Variants in TPTE2 observed in about 807,000 individuals in gnomAD.
TPTE2 encodes phosphatidylinositol 3,4,5-trisphosphate 3-phosphatase TPTE2.
In TPTE2, 53 loss-of-function variants were observed where a neutral mutation model predicts 78.6. The ratio of observed to expected loss-of-function variants is 0.67; its 90% CI spans 0.54 to 0.85. The LOEUF (loss-of-function observed/expected upper bound fraction) is 0.85, where lower values mean the gene tolerates loss of function less well. Among genes scored for constraint, TPTE2 ranks in the 40% least tolerant of loss-of-function variants. The pLI is 0.00. For synonymous variants in TPTE2, 175 were observed against 206.2 expected (o/e 0.85, Z 1.30); for missense variants, 461 against 623.0 (o/e 0.74, Z 2.77).
At chr13:19,547,720 C>CACATATATATATATATATAT in the TPTE2 span, among the ~76,000 whole-genome samples, 1 of 118,848 alleles carries the variant, frequency 8.4e-6, no homozygotes. Flanking sequence ...AATAAATATA[C>CACATATATATATATATATAT]ATATATATAT....
chr13:19,541,649 A>G (rs1871439375), upstream of TPTE2, among the ~76,000 whole-genome samples: 1 of 152,232 alleles, frequency 6.6e-6, no homozygotes, highest in Non-Finnish European at 1.5e-5. Flanking sequence ...TTATTTTTTA[A>G]AAAATTATAA....
At chr13:19,474,373 A>G (rs2137590596) in intron 5 of TPTE2, among the ~76,000 whole-genome samples, 1 of 152,356 alleles carries the variant, frequency 6.6e-6, no homozygotes, top group South Asian at 2.1e-4. Flanking sequence ...AAGAGAGAAA[A>G]GCAAAACTGA....
intron 18 of TPTE2, chr13:19,425,703 T>C (rs762884954): frequency 1.9e-6 from 1 of 514,644 alleles, no homozygotes; most frequent in Non-Finnish European, 3.9e-6. Flanking sequence ...AGGTAGCACC[T>C]TACATCCCAA....
chr13:19,489,723 T>C (rs1880883672), intron 3 of TPTE2, among the ~76,000 whole-genome samples: 1 of 142,940 alleles, frequency 7.0e-6, no homozygotes, highest in Non-Finnish European at 1.5e-5. Flanking sequence ...GATATATCTG[T>C]ATATATATAT....
intron 3 of TPTE2, among the ~76,000 whole-genome samples, chr13:19,488,923 AGCTTT>A: frequency 6.6e-6 from 1 of 152,128 alleles, no homozygotes; most frequent in Non-Finnish European, 1.5e-5. Flanking sequence ...AATCATTTCT[AGCTTT>A]TGGTTTAAAG....
At chr13:19,490,138 T>G (rs2137633148) in intron 3 of TPTE2, among the ~76,000 whole-genome samples, 1 of 152,292 alleles carries the variant, frequency 6.6e-6, no homozygotes, top group East Asian at 1.9e-4. Flanking sequence ...ACAACTTAAG[T>G]GCAGTTCTTT....
intron 9 of TPTE2, among the ~76,000 whole-genome samples, chr13:19,464,894 A>G (rs976272313): frequency 1.3e-5 from 2 of 151,976 alleles, no homozygotes; most frequent in African/African-American, 4.8e-5. Flanking sequence ...CCTCTGACTC[A>G]GAAAACCTGA....
At chr13:19,437,058 C>CACAA (rs1401128101) in intron 14 of TPTE2, among the ~76,000 whole-genome samples, 7 of 151,672 alleles carry the variant, frequency 4.6e-5, no homozygotes, top group African/African-American at 1.5e-4. Flanking sequence ...CACACACACA[C>CACAA]ACACACATAC....
rs116966167 is a variant in TPTE2 at position 19,525,254 on chromosome 13, A to G, written c.-44+11342T>C. Among the ~76,000 whole-genome samples, 215 of 152,350 alleles carry G rather than the reference A, an allele frequency of 1.4e-3. 5 individuals are homozygous for G. In the East Asian group the frequency reaches 0.04, roughly 28 times the overall value. Reference sequence around the variant, plus strand: ...AGGATAGCCAAAGCAATCCTGCACAAAAAGAATGAAGCTGGAGATGCCACA... The same window carrying G: ...AGGATAGCCAAAGCAATCCTGCACAGAAAGAATGAAGCTGGAGATGCCACA... On this transcript the variant is annotated intron_variant, in intron 1 of 17. Coordinates refer to the TPTE2 transcript ENST00000390680.
chr13:19,448,624 A>T (rs1877984235), intron 13 of TPTE2, among the ~76,000 whole-genome samples: 1 of 152,186 alleles, frequency 6.6e-6, no homozygotes, highest in South Asian at 2.1e-4. Flanking sequence ...AGATATCCTC[A>T]CACCTGTTAG....
chr13:19,440,430 A>T (rs1254529334), intron 13 of TPTE2, among the ~76,000 whole-genome samples: 12 of 434 alleles, frequency 0.028, no homozygotes, highest in East Asian at 0.25. Context: ...TTTCTTGATA[A>T]AAAAAAAACA....
At chr13:19,526,352 C>T (rs540763557) in intron 1 of TPTE2, among the ~76,000 whole-genome samples, 4 of 152,182 alleles carry the variant, frequency 2.6e-5, no homozygotes, top group South Asian at 4.2e-4. Context: ...TACTATGCAG[C>T]CATAAAATAA....
chr13:19,434,074 A>G (rs1272934899), intron 15 of TPTE2, among the ~76,000 whole-genome samples: 1 of 152,218 alleles, frequency 6.6e-6, no homozygotes, highest in East Asian at 1.9e-4. Flanking sequence ...GTAGAAATTA[A>G]TACAACCAAC....
upstream of TPTE2, among the ~76,000 whole-genome samples, chr13:19,505,212 C>T (rs147198820): frequency 8.6e-3 from 1,309 of 152,184 alleles, 13 homozygotes; most frequent in African/African-American, 0.03. Context: ...GCGATCTTGG[C>T]TCACTGCAAC....
intron 13 of TPTE2, among the ~76,000 whole-genome samples, chr13:19,449,262 C>T (rs1395486305): frequency 6.6e-6 from 1 of 152,132 alleles, no homozygotes; most frequent in African/African-American, 2.4e-5. Flanking sequence ...CAACCTCTGC[C>T]TCCCAGGTTC....
At chr13:19,561,324 G>A in the TPTE2 span, 4 of 715,634 alleles carry the variant, frequency 5.6e-6, no homozygotes, top group East Asian at 6.0e-5. Flanking sequence ...ACACGGCGGG[G>A]GCCGCTCCAC....
rs58776475 is a variant in TPTE2 at position 19,474,078 on chromosome 13, AAAAT to A, written c.231-7_231-4del. On this transcript the variant is annotated splice_region_variant and splice_polypyrimidine_tract_variant and intron_variant, in intron 5 of 19. Transcript: ENST00000400230. The stretch of plus-strand genomic sequence containing the variant: ...AGACCAGGAAAACTCCAAATATTCT[AAAAT>A]AAATAAATAAATAAATAAATAAATA... The A allele has an allele frequency of 3.1e-3, 4,285 of 1,398,876 alleles. 33 individuals are homozygous for A. Among genetic ancestry groups the A allele is most frequent in the African/African-American group, 0.023 (1,445 of 61,736 alleles). The allele number at this position is 1,398,876 out of a possible 1,614,324, so 86.7% of individuals were successfully genotyped here. A position where few individuals can be genotyped will look rare whatever the true frequency, so the allele number is the denominator to read the frequency against.
At chr13:19,435,437 A>G (rs1224859632) in intron 15 of TPTE2, among the ~76,000 whole-genome samples, 1 of 152,086 alleles carries the variant, frequency 6.6e-6, no homozygotes, top group South Asian at 2.1e-4. Flanking sequence ...AGTGGGGTTG[A>G]GGGGTGTGAG....
the TPTE2 span, among the ~76,000 whole-genome samples, chr13:19,554,108 G>T: frequency 2.0e-4 from 30 of 152,148 alleles, no homozygotes; most frequent in African/African-American, 7.2e-4. Context: ...GGGCATGGTG[G>T]CTCACGCCTG....
Sources: gnomAD v4.1 joint callset for allele counts (sites outside exome capture counted in the v4.1 genomes callset) on GRCh38, gnomAD v4.1.1 for gene constraint, MANE v1.5 for transcripts, NCBI Gene and HGNC (gene_info 2026-07-23, HGNC 2026-07-21) for gene names.